Variants in CR1 observed in about 807,000 individuals in gnomAD.
The protein encoded by CR1 is complement receptor type 1.
In CR1, 116 loss-of-function variants were observed where a neutral mutation model predicts 187.3. The ratio of observed to expected loss-of-function variants is 0.62; its 90% confidence interval spans 0.53 to 0.72. CR1 has a LOEUF of 0.72. Among genes scored for constraint, CR1 ranks in the 30% least tolerant of loss-of-function variants. The pLI, the probability that CR1 is intolerant of heterozygous loss-of-function variation, is 0.00. For missense variants in CR1, 1,731 were observed against 2,110.7 expected, an observed-to-expected ratio of 0.82 and a Z score of 3.52; for synonymous variants, 576 against 747.1, an observed-to-expected ratio of 0.77 and a Z score of 3.73.
intron 2 of CR1, among the ~76,000 whole-genome samples, chr1:207,506,425 T>C (rs1659434687): frequency 6.6e-6 from 1 of 152,238 alleles, no homozygotes; most frequent in Non-Finnish European, 1.5e-5. Flanking sequence ...AATCTTGGGC[T>C]TTGAGATCTT....
intron 25 of CR1, 55 bp downstream of exon 25, chr1:207,568,097 C>A (rs1660565528): frequency 6.2e-7 from 1 of 1,610,544 alleles, no homozygotes; most frequent in Non-Finnish European, 8.5e-7. Context: ...AACCCAGCCC[C>A]TCCATATTTC....
chr1:207,525,444 C>T (rs1660137552), intron 5 of CR1, among the ~76,000 whole-genome samples: 1 of 152,046 alleles, frequency 6.6e-6, no homozygotes, highest in African/African-American at 2.4e-5. Context: ...GCTGCTAGTG[C>T]TGCAGGAGCC....
chr1:207,618,149 T>C lies in CR1; in HGVS notation c.6968T>C (p.Ile2323Thr), dbSNP rs1287070602. 6.2e-7 allele frequency: 1 copy of C among 1,613,940 alleles called. No homozygotes were observed. The highest frequency in any genetic ancestry group is 8.5e-7 in the Non-Finnish European group (1 of 1,179,852). ...HVSLYLPGMT[I>T]SYICDPGYLL... ...TCTCTATATCTTCCTGGGATGACAA[T>C]CAGCTACATTTGTGACCCCGGCTAC... The change falls in exon 42 of 47, where the codon ATC becomes ACC. Residue 2323 changes from isoleucine (I) to threonine (T), a missense_variant. By Grantham distance (89) the Ile-to-Thr change is moderately conservative (BLOSUM62 -1). Transcript: ENST00000367049.
At chr1:207,508,302 C>T (rs1156290060) in intron 3 of CR1, among the ~76,000 whole-genome samples, 3 of 152,112 alleles carry the variant, frequency 2.0e-5, no homozygotes, top group African/African-American at 7.2e-5. Flanking sequence ...CTTGGGGTGG[C>T]CATGATGTGT....
intron 40 of CR1, 91 bp downstream of exon 40, chr1:207,614,580 C>A (rs759876950): frequency 4.4e-6 from 4 of 917,502 alleles, no homozygotes; most frequent in Non-Finnish European, 6.7e-6. Context: ...TTGTCTAGAT[C>A]TTTACTTAAC....
intron 45 of CR1, among the ~76,000 whole-genome samples, chr1:207,629,106 C>T (rs559661246): frequency 6.6e-6 from 1 of 152,314 alleles, no homozygotes; most frequent in African/African-American, 2.4e-5. Context: ...ATGCACTCAT[C>T]AGTGAGGAAT....
In CR1 at chr1:207,567,511, T is replaced by A. The variant is rs1474047141; in HGVS notation, c.3953-313T>A. Among the ~76,000 whole-genome samples, 11 of 150,556 alleles carry A rather than the reference T, an allele frequency of 7.3e-5. No homozygotes were observed. The South Asian group carries it at 2.3e-3, about 31-fold the overall frequency. ...AGGATAAGTGCTCAATTAATATATA[T>A]TGACTAAATGAATAAATAACCCTTC... On this transcript the variant is annotated intron_variant, in intron 24 of 46. Transcript: ENST00000367049.
intron 23 of CR1, 30 bp downstream of exon 23, chr1:207,564,264 C>T: frequency 1.9e-6 from 3 of 1,583,588 alleles, no homozygotes; most frequent in Non-Finnish European, 2.6e-6. Flanking sequence ...ACCTGCTGGA[C>T]ATTGAAATTG....
At chr1:207,585,010 C>A in intron 33 of CR1, 134 bp downstream of exon 33, 11 of 1,367,064 alleles carry the variant, frequency 8.0e-6, no homozygotes, top group Non-Finnish European at 1.1e-5. Context: ...AAATTACATA[C>A]CATAGCTAAA....
chr1:207,511,442 A>T (rs1659613531), intron 3 of CR1, 127 bp from the exon 4 acceptor site: 1 of 784,026 alleles, frequency 1.3e-6, no homozygotes, highest in Non-Finnish European at 2.0e-6. Flanking sequence ...AAAGTGATAG[A>T]TAGTCCTTTG....
Position 207,523,776 on chromosome 1 carries a change from A to G in CR1, c.653A>G (p.Asn218Ser). ...GAGCCCTCCATATACTGCACCAGCA[A>G]TGACGATCAAGTGGGCATCTGGAGC... ...VGEPSIYCTS[N>S]DDQVGIWSGP... Residue 218 changes from asparagine to serine, a missense_variant, in exon 5 of 47, where the codon AAT becomes AGT. Coordinates refer to ENST00000367049, the MANE Select transcript of CR1 (RefSeq NM_000651.6). The G allele has an allele frequency of 6.2e-7, 1 of 1,611,960 alleles. No individual in the cohort carries two copies. Among genetic ancestry groups the G allele is most frequent in the Admixed American group, 1.7e-5 (1 of 60,016 alleles).
intron 45 of CR1, among the ~76,000 whole-genome samples, chr1:207,626,936 G>T (rs1419702006): frequency 6.6e-6 from 1 of 152,220 alleles, no homozygotes; most frequent in Admixed American, 6.5e-5. Context: ...TACTCAGGAG[G>T]CTGAGGCAGG....
In CR1 at chr1:207,619,927, T is replaced by A; in HGVS notation, c.7114T>A (p.Leu2372Ile). 1 of 1,605,248 alleles carries A rather than the reference T, an allele frequency of 6.2e-7. No homozygotes were observed. The highest frequency in any genetic ancestry group is 1.1e-5 in the South Asian group (1 of 89,456). ...GTTTATGAATGGAATCTCGAAGGAG[T>A]TAGAAATGAAAAAAGTATATCACTA... is the stretch of plus-strand genomic sequence containing the variant. ...PLFMNGISKE[L>I]EMKKVYHYGD... Residue 2372 changes from leucine (L) to isoleucine (I), a missense_variant, in exon 43 of 47, where the codon TTA becomes ATA. Transcript: ENST00000367049.
At chr1:207,632,955 C>G (rs1047125287) in intron 46 of CR1, among the ~76,000 whole-genome samples, 3 of 152,142 alleles carry the variant, frequency 2.0e-5, no homozygotes, top group Non-Finnish European at 2.9e-5. Flanking sequence ...AGAACTGATT[C>G]AGGGCCAGCT....
rs374423961 is a variant in CR1, at chr1:207,503,248, C to T, written c.122-2656C>T. ...GCAAGATTAAGCGGTTTGCCTAAGA[C>T]CTCATAGCCACTAAGTAGAAGACAT... On this transcript the variant is annotated intron_variant, in intron 1 of 46. Coordinates refer to ENST00000367049, the MANE Select transcript of CR1 (RefSeq NM_000651.6). Among the ~76,000 whole-genome samples the T allele has an allele frequency of 5.3e-4, 80 of 152,268 alleles. 3 individuals are homozygous for T. In the South Asian group the frequency reaches 0.016, roughly 31 times the overall value.
chr1:207,514,865 C>A (rs1659735345), intron 4 of CR1, among the ~76,000 whole-genome samples: 2 of 149,952 alleles, frequency 1.3e-5, no homozygotes, highest in Admixed American at 1.3e-4. Flanking sequence ...GGCATTATTT[C>A]TTCTTTAAAA....
At chr1:207,524,810 T>C (rs1414269719) in intron 5 of CR1, among the ~76,000 whole-genome samples, 1 of 151,848 alleles carries the variant, frequency 6.6e-6, no homozygotes, top group Non-Finnish European at 1.5e-5. Flanking sequence ...CTCATCAGCA[T>C]TCAGTCATGA....
intron 39 of CR1, among the ~76,000 whole-genome samples, chr1:207,613,316 T>C (rs1204032832): frequency 6.6e-6 from 1 of 152,158 alleles, no homozygotes; most frequent in Non-Finnish European, 1.5e-5. Context: ...GGGGAGCCTG[T>C]GCTGATTGGT....
At chr1:207,498,577 T>C (rs376762120) in intron 1 of CR1, among the ~76,000 whole-genome samples, 10 of 152,190 alleles carry the variant, frequency 6.6e-5, no homozygotes, top group Middle Eastern at 3.4e-3. Flanking sequence ...TATAAAATGC[T>C]CAGTTAAAAC....
Sources: allele counts gnomAD v4.1 joint callset (sites outside exome capture counted in the v4.1 genomes callset), GRCh38; gene constraint gnomAD v4.1.1; transcripts MANE v1.5; gene names NCBI Gene and HGNC (gene_info 2026-07-23, HGNC 2026-07-21).